IL1RAP: variants seen among roughly 807,000 people sequenced by gnomAD.
IL1RAP encodes the protein interleukin 1 receptor accessory protein, also known as interleukin-1 receptor accessory protein.
Under a neutral mutation model 60.7 loss-of-function variants are expected in IL1RAP, and 35 were observed. The ratio of observed to expected loss-of-function variants is 0.58; its 90% CI spans 0.44 to 0.76. IL1RAP has a LOEUF of 0.76. Among genes scored for constraint, IL1RAP ranks in the 30% least tolerant of loss-of-function variants. The pLI is 0.00. For missense variants in IL1RAP, 572 were observed against 693.9 expected, an observed-to-expected ratio of 0.82 and a Z score of 1.97; for synonymous variants, 268 against 250.9, an observed-to-expected ratio of 1.07 and a Z score of -0.64.
At chr3:190,569,543 G>T (rs1726727479) in intron 3 of IL1RAP, among the ~76,000 whole-genome samples, 1 of 150,098 alleles carries the variant, frequency 6.7e-6, no homozygotes, top group African/African-American at 2.5e-5. Context: ...ATTTCACCCT[G>T]TTGTCATTTA....
chr3:190,573,076 G>T lies in IL1RAP; in HGVS notation c.64+8723G>T, dbSNP rs1238098083. 7.6e-5 allele frequency among the ~76,000 whole-genome samples: 4 copies of T among 52,750 alleles called. 1 individual carries two copies. The highest frequency in any genetic ancestry group is 1.8e-4 in the Non-Finnish European group (4 of 21,964). The allele number at this position is 52,750 out of a possible 152,430, so 34.6% of individuals were successfully genotyped here. ...GACGGGGTTTCACCGTTTTAGCCGG[G>T]ATGGTCTCGATCTCCTGACCTCGTG... On this transcript the variant is annotated intron_variant, in intron 3 of 11. Transcript: ENST00000447382.
intron 3 of IL1RAP, among the ~76,000 whole-genome samples, chr3:190,585,830 G>GA (rs770551235): frequency 5.9e-5 from 9 of 151,664 alleles, no homozygotes; most frequent in African/African-American, 1.2e-4. Flanking sequence ...AAGAAAAAAA[G>GA]AAAAAAAAGT....
intron 1 of IL1RAP, among the ~76,000 whole-genome samples, chr3:190,540,626 G>T (rs1167710189): frequency 6.6e-6 from 1 of 151,214 alleles, no homozygotes; most frequent in East Asian, 1.9e-4. Context: ...CTTTCCATGT[G>T]TCTGTGTTGA....
At chr3:190,525,634 C>G (rs73886445) in intron 1 of IL1RAP, among the ~76,000 whole-genome samples, 3,360 of 152,236 alleles carry the variant, frequency 0.022, 129 homozygotes, top group African/African-American at 0.077. Flanking sequence ...CTGTTATGAA[C>G]AGATGAGAAA....
In IL1RAP at chr3:190,651,198, A is replaced by G. The variant is rs1239116419; in HGVS notation, c.*2493A>G. ...AAAAAAAATTAATGGTTTTAAATAT[A>G]TGCTATAGGGACGTTCCATGCCCAG... On this transcript the variant is annotated 3_prime_UTR_variant, in exon 12 of 12. Coordinates refer to ENST00000447382, the MANE Select transcript of IL1RAP (RefSeq NM_002182.4). 1 of 981,406 alleles carries G rather than the reference A, an allele frequency of 1.0e-6. No homozygotes were observed. The highest frequency in any genetic ancestry group is 6.2e-5 in the Admixed American group (1 of 16,250). The allele number at this position is 981,406 out of a possible 1,614,324, so 60.8% of individuals were successfully genotyped here.
intron 3 of IL1RAP, among the ~76,000 whole-genome samples, chr3:190,593,751 CA>C (rs2108725085): frequency 6.6e-6 from 1 of 152,176 alleles, no homozygotes; most frequent in South Asian, 2.1e-4. Context: ...CCTCCCACGA[CA>C]TTTGGGAATT....
chr3:190,595,207 A>G (rs924027436), intron 3 of IL1RAP, among the ~76,000 whole-genome samples: 5 of 152,204 alleles, frequency 3.3e-5, no homozygotes, highest in Non-Finnish European at 5.9e-5. Flanking sequence ...CCAAGCACCC[A>G]TTTAGTATTT....
intron 1 of IL1RAP, among the ~76,000 whole-genome samples, chr3:190,526,286 C>A (rs947566216): frequency 1.3e-5 from 2 of 152,194 alleles, no homozygotes; most frequent in Admixed American, 1.3e-4. Flanking sequence ...GACCCGGAAT[C>A]ACAGAGTTGA....
intron 2 of IL1RAP, among the ~76,000 whole-genome samples, chr3:190,561,215 G>A (rs1056031182): frequency 6.6e-6 from 1 of 152,150 alleles, no homozygotes; most frequent in African/African-American, 2.4e-5. Context: ...AACCAAAAGT[G>A]TATTACTCTT....
intron 3 of IL1RAP, among the ~76,000 whole-genome samples, chr3:190,590,257 CTTT>C (rs1403184229): frequency 6.9e-6 from 1 of 144,074 alleles, no homozygotes; most frequent in Admixed American, 7.0e-5. Context: ...TCTTCTTCTT[CTTT>C]TTTTTTTTTT....
chr3:190,540,132 A>C (rs1406947844), intron 1 of IL1RAP, among the ~76,000 whole-genome samples: 2 of 152,086 alleles, frequency 1.3e-5, no homozygotes, highest in African/African-American at 4.8e-5. Flanking sequence ...GTTTAGAGAG[A>C]TCTAGGACAT....
At chr3:190,586,219 T>C (rs891806414) in intron 3 of IL1RAP, among the ~76,000 whole-genome samples, 16 of 152,230 alleles carry the variant, frequency 1.1e-4, no homozygotes, top group African/African-American at 3.9e-4. Flanking sequence ...TTTTGCTTTG[T>C]GTTGTGGTTG....
At chr3:190,630,576 C>G (rs1003139561) in intron 9 of IL1RAP, among the ~76,000 whole-genome samples, 1 of 152,146 alleles carries the variant, frequency 6.6e-6, no homozygotes. Flanking sequence ...AACTTTAAAA[C>G]TAAATAGCAA....
chr3:190,653,026 T>G (rs1424577052), downstream of IL1RAP, among the ~76,000 whole-genome samples: 8 of 152,354 alleles, frequency 5.3e-5, no homozygotes, highest in Non-Finnish European at 1.5e-5. Context: ...CTTATTTCTC[T>G]GTTTCTACTC....
chr3:190,598,937 A>G (rs967370960), intron 3 of IL1RAP, among the ~76,000 whole-genome samples: 4 of 152,196 alleles, frequency 2.6e-5, no homozygotes, highest in Admixed American at 2.6e-4. Context: ...TTTTGAAGTT[A>G]TTAACTGCAT....
At chr3:190,637,064 A>T (rs1281724655) in intron 9 of IL1RAP, among the ~76,000 whole-genome samples, 1 of 152,004 alleles carries the variant, frequency 6.6e-6, no homozygotes, top group Non-Finnish European at 1.5e-5. Flanking sequence ...GCGTATTTCC[A>T]TTTCTTCCCT....
chr3:190,554,244 A>G (rs1725193456), intron 1 of IL1RAP, among the ~76,000 whole-genome samples: 1 of 152,108 alleles, frequency 6.6e-6, no homozygotes, highest in South Asian at 2.1e-4. Flanking sequence ...AAGGGTGAGA[A>G]AAATGGAATT....
rs114311484 is a variant in IL1RAP at position 190,623,302 on chromosome 3, C to G, written c.704-42C>G. ...AGAGCAGAATTTTTAATAAGGCTGC[C>G]TGATTTAACATCATCTCCCTTTTTT... On this transcript the variant is annotated intron_variant, in intron 6 of 11. Coordinates refer to ENST00000447382, the MANE Select transcript of IL1RAP (RefSeq NM_002182.4). 6,470 of 1,461,052 alleles carry G rather than the reference C, an allele frequency of 4.4e-3. 107 individuals are homozygous for G. In the African/African-American group the frequency reaches 0.047, roughly 11 times the overall value. The allele number at this position is 1,461,052 out of a possible 1,614,324, so 90.5% of individuals were successfully genotyped here. A position where few individuals can be genotyped will look rare whatever the true frequency, so the allele number is the denominator to read the frequency against.
At chr3:190,609,212 T>C in intron 5 of IL1RAP, 31 bp downstream of exon 5, 1 of 1,429,166 alleles carries the variant, frequency 7.0e-7, no homozygotes, top group Non-Finnish European at 9.6e-7. Context: ...TTTTATTCTC[T>C]CTAATGGCTT....
Sources: gnomAD v4.1 joint callset for allele counts (sites outside exome capture counted in the v4.1 genomes callset) on GRCh38, gnomAD v4.1.1 for gene constraint, MANE v1.5 for transcripts, NCBI Gene and HGNC (gene_info 2026-07-23, HGNC 2026-07-21) for gene names.